TMPRSS11A: variants seen among roughly 807,000 people sequenced by gnomAD.
TMPRSS11A encodes transmembrane serine protease 11A, also known as transmembrane protease serine 11A.
TMPRSS11A carries 53 observed loss-of-function variants against 58.9 expected under a neutral mutation model. The ratio of observed to expected loss-of-function variants is 0.90; its 90% CI spans 0.72 to 1.13. TMPRSS11A has a LOEUF of 1.13. TMPRSS11A is among the 50% of genes most tolerant of loss of function. The probability of loss-of-function intolerance (pLI) is 0.00; values close to 1 mark genes in which losing one functional copy is unlikely to be tolerated. For missense variants in TMPRSS11A, 493 were observed against 499.3 expected, an observed-to-expected ratio of 0.99 and a Z score of 0.12; for synonymous variants, 167 against 169.8, an observed-to-expected ratio of 0.98 and a Z score of 0.13.
intron 1 of TMPRSS11A, among the ~76,000 whole-genome samples, chr4:67,947,998 T>C (rs1256240419): frequency 6.6e-6 from 1 of 152,236 alleles, no homozygotes; most frequent in Non-Finnish European, 1.5e-5. Context: ...TAGTGAATTT[T>C]ATTTATCCAA....
intron 5 of TMPRSS11A, among the ~76,000 whole-genome samples, chr4:67,926,580 C>A (rs1720473320): frequency 6.6e-6 from 1 of 152,208 alleles, no homozygotes; most frequent in African/African-American, 2.4e-5. Context: ...CGTGACCAGG[C>A]AGGACCTGCT....
Position 67,911,349 on chromosome 4 carries a change from C to T in TMPRSS11A, c.1250G>A (p.Gly417Asp), listed in dbSNP as rs1004143120. Residue 417 changes from glycine (G) to aspartate (D), a missense_variant, in exon 10 of 10, where the codon GGC becomes GAC. By Grantham distance (94) the Gly-to-Asp change is moderately conservative (BLOSUM62 -1). Transcript: ENST00000508048. ...YYRNWIASKT[G>D]I Reference sequence around the variant, plus strand: ...TTTAACTTTTATCGTGAATTAGATGCCTGTTTTTGAAGCAATCCAGTTTCG... The same window carrying T: ...TTTAACTTTTATCGTGAATTAGATGTCTGTTTTTGAAGCAATCCAGTTTCG... 1.2e-6 allele frequency: 2 copies of T among 1,612,690 alleles called. No individual in the cohort carries two copies. The highest frequency in any genetic ancestry group is 1.7e-6 in the Non-Finnish European group (2 of 1,179,184).
At chr4:67,940,308 C>T (rs984729738) in intron 3 of TMPRSS11A, among the ~76,000 whole-genome samples, 4 of 152,010 alleles carry the variant, frequency 2.6e-5, no homozygotes, top group Admixed American at 2.6e-4. Flanking sequence ...TAGAATTGGT[C>T]CTAGCTATTT....
At chr4:67,932,817 A>T (rs968057155) in intron 3 of TMPRSS11A, among the ~76,000 whole-genome samples, 1 of 152,108 alleles carries the variant, frequency 6.6e-6, no homozygotes, top group African/African-American at 2.4e-5. Context: ...GTATTCCAGT[A>T]TTAGGTCAAA....
chr4:67,937,302 T>C (rs905123106), intron 3 of TMPRSS11A, among the ~76,000 whole-genome samples: 3 of 152,174 alleles, frequency 2.0e-5, no homozygotes, highest in Admixed American at 6.5e-5. Context: ...GCTTCCTTCA[T>C]CTTTCTCTAT....
chr4:67,948,061 G>T (rs1721068152), intron 1 of TMPRSS11A, among the ~76,000 whole-genome samples: 1 of 151,606 alleles, frequency 6.6e-6, no homozygotes, highest in South Asian at 2.1e-4. Flanking sequence ...AAATTTTTTT[G>T]GAAACAGAGG....
At chr4:67,919,885 G>A (rs1720274571) in intron 7 of TMPRSS11A, among the ~76,000 whole-genome samples, 1 of 152,114 alleles carries the variant, frequency 6.6e-6, no homozygotes, top group Non-Finnish European at 1.5e-5. Context: ...GAGGTAAGCA[G>A]GGACTAGATT....
intron 2 of TMPRSS11A, among the ~76,000 whole-genome samples, chr4:67,945,447 C>A (rs6552131): frequency 6.6e-6 from 1 of 152,044 alleles, no homozygotes; most frequent in African/African-American, 2.4e-5. Context: ...AGTGGGAAAT[C>A]TCTGGACCTT....
chr4:67,957,581 T>C lies in TMPRSS11A; in HGVS notation c.11+5802A>G, dbSNP rs2109772512. On this transcript the variant is annotated intron_variant, in intron 1 of 9. Coordinates refer to ENST00000508048, the MANE Select transcript of TMPRSS11A (RefSeq NM_001114387.2). ...CTAAGCAGCAAAGCATCCAAAAGGT[T>C]ACTTGGGTGCTATTAAGGCATTCAG... Among the ~76,000 whole-genome samples, 3 of 152,274 alleles carry C rather than the reference T, an allele frequency of 2.0e-5. 1 individual carries two copies. The South Asian group carries it at 6.2e-4, about 32-fold the overall frequency.
intron 1 of TMPRSS11A, among the ~76,000 whole-genome samples, chr4:67,953,816 C>A (rs770386693): frequency 2.6e-5 from 4 of 151,880 alleles, no homozygotes; most frequent in Admixed American, 6.6e-5. Flanking sequence ...AATAGTATTT[C>A]TTGGGATCCT....
intron 3 of TMPRSS11A, among the ~76,000 whole-genome samples, chr4:67,936,347 T>TTC (rs1720752762): frequency 6.6e-6 from 1 of 151,872 alleles, no homozygotes; most frequent in African/African-American, 2.4e-5. Flanking sequence ...TTTTTTTTTT[T>TTC]TGGATCCAAG....
At chr4:67,919,500 C>T (rs1404158021) in intron 7 of TMPRSS11A, among the ~76,000 whole-genome samples, 1 of 152,030 alleles carries the variant, frequency 6.6e-6, no homozygotes, top group East Asian at 1.9e-4. Flanking sequence ...TTATCCCTTC[C>T]ACAAATATTT....
At chr4:67,961,718 G>A (rs1024192864) in intron 1 of TMPRSS11A, among the ~76,000 whole-genome samples, 1 of 151,680 alleles carries the variant, frequency 6.6e-6, no homozygotes, top group African/African-American at 2.4e-5. Flanking sequence ...TCACTATCTT[G>A]GCCAGGCTGG....
chr4:67,944,688 A>G, intron 2 of TMPRSS11A, 51 bp from the exon 3 acceptor site: 1 of 1,536,610 alleles, frequency 6.5e-7, no homozygotes, highest in Non-Finnish European at 8.9e-7. Context: ...CAAAGATTTC[A>G]GAACTCAATT....
In TMPRSS11A at chr4:67,911,490, C is replaced by T. The variant is rs753988253; in HGVS notation, c.1109G>A (p.Gly370Glu). 3 of 1,607,750 alleles carry T rather than the reference C, an allele frequency of 1.9e-6. No individual in the cohort carries two copies. The highest frequency in any genetic ancestry group is 2.5e-6 in the Non-Finnish European group (3 of 1,177,788). ...IYDACRGDSG[G>E]PLVTRDLKDT... The stretch of plus-strand genomic sequence containing the variant: ...TTTCAGATCCCTTGTGACTAAAGGT[C>T]CCCCAGAATCACCCTAAAAATAAAA... Residue 370 changes from glycine (G) to glutamate (E), a missense_variant, in exon 10 of 10, where the codon GGA (glycine) becomes GAA (glutamate). Coordinates refer to ENST00000508048, the MANE Select transcript of TMPRSS11A (RefSeq NM_001114387.2).
At chr4:67,939,833 C>T (rs1220418908) in intron 3 of TMPRSS11A, among the ~76,000 whole-genome samples, 1 of 152,076 alleles carries the variant, frequency 6.6e-6, no homozygotes, top group African/African-American at 2.4e-5. Flanking sequence ...GGATTACAGG[C>T]ACCTGCCACC....
At chr4:67,959,041 T>C (rs571262701) in intron 1 of TMPRSS11A, among the ~76,000 whole-genome samples, 1 of 152,316 alleles carries the variant, frequency 6.6e-6, no homozygotes, top group Admixed American at 6.5e-5. Flanking sequence ...TAAACCTCTT[T>C]CTTTTGTAAA....
At chr4:67,927,752 T>C (rs1199408097) in intron 5 of TMPRSS11A, among the ~76,000 whole-genome samples, 1 of 152,232 alleles carries the variant, frequency 6.6e-6, no homozygotes, top group Non-Finnish European at 1.5e-5. Flanking sequence ...TTGAACATTC[T>C]GAAACTTTCA....
At chr4:67,930,153 T>C (rs1720575068) in intron 4 of TMPRSS11A, 113 bp from the exon 5 acceptor site, 3 of 898,878 alleles carry the variant, frequency 3.3e-6, no homozygotes, top group Non-Finnish European at 4.9e-6. Context: ...GAGTGTCAAG[T>C]GCTGATCCTC....
Sources: gnomAD v4.1 joint callset for allele counts (sites outside exome capture counted in the v4.1 genomes callset) on GRCh38, gnomAD v4.1.1 for gene constraint, MANE v1.5 for transcripts, NCBI Gene and HGNC (gene_info 2026-07-23, HGNC 2026-07-21) for gene names.